The following SEMA6D variants were observed in gnomAD, a reference collection of about 807,000 sequenced individuals.
SEMA6D encodes the protein semaphorin 6D, also known as semaphorin-6D.
In SEMA6D, 35 loss-of-function variants were observed where a neutral mutation model predicts 106.6. The observed-to-expected ratio is 0.33, with a 90% CI of 0.25 to 0.44. The LOEUF (loss-of-function observed/expected upper bound fraction) is 0.44. Among genes scored for constraint, SEMA6D ranks in the 20% least tolerant of loss-of-function variants. The pLI, the probability that SEMA6D is intolerant of heterozygous loss-of-function variation, is 1.00. For missense variants in SEMA6D, 1,185 were observed against 1,345.9 expected (o/e 0.88, Z 1.87); for synonymous variants, 499 against 487.7 (o/e 1.02, Z -0.31).
intron 1 of SEMA6D, among the ~76,000 whole-genome samples, chr15:47,212,526 A>C (rs1566929079): frequency 6.6e-6 from 1 of 152,208 alleles, no homozygotes; most frequent in African/African-American, 2.4e-5. Flanking sequence ...GATGATCACT[A>C]TTACTACAAT....
intron 1 of SEMA6D, among the ~76,000 whole-genome samples, chr15:47,394,842 T>C (rs916063898): frequency 6.6e-6 from 1 of 152,174 alleles, no homozygotes; most frequent in East Asian, 1.9e-4. Flanking sequence ...TCTTTGACGA[T>C]TTACATAATT....
Position 47,762,339 on chromosome 15 carries a change from T to C in SEMA6D, c.658+20T>C, listed in dbSNP as rs773336930. On this transcript the variant is annotated intron_variant, in intron 8 of 18. Coordinates refer to ENST00000536845, the MANE Select transcript of SEMA6D (RefSeq NM_001358351.3). Reference sequence around the variant, plus strand: ...TAAAAGGTACCTTTGAAGAGCAGTGTCGTGGGGTCACCAGGATAGTGGATG... The same window carrying C: ...TAAAAGGTACCTTTGAAGAGCAGTGCCGTGGGGTCACCAGGATAGTGGATG... 6.2e-7 allele frequency: 1 copy of C among 1,611,598 alleles called. No individual in the cohort carries two copies. Among genetic ancestry groups the C allele is most frequent in the Non-Finnish European group, 8.5e-7 (1 of 1,179,142 alleles).
chr15:47,195,043 A>C (rs1489709128), intron 1 of SEMA6D, among the ~76,000 whole-genome samples: 1 of 152,228 alleles, frequency 6.6e-6, no homozygotes, highest in Non-Finnish European at 1.5e-5. Flanking sequence ...GATGAAAAAA[A>C]GAATCATTTC....
chr15:47,630,515 A>G (rs1192079671), intron 4 of SEMA6D, among the ~76,000 whole-genome samples: 1 of 151,782 alleles, frequency 6.6e-6, no homozygotes, highest in Non-Finnish European at 1.5e-5. Flanking sequence ...GAGATTTTCT[A>G]TGAAGACAAT....
intron 3 of SEMA6D, among the ~76,000 whole-genome samples, chr15:47,505,523 C>A (rs2044010677): frequency 6.6e-6 from 1 of 152,158 alleles, no homozygotes; most frequent in Non-Finnish European, 1.5e-5. Flanking sequence ...GCTATGAGTA[C>A]AGTATTAATG....
chr15:47,415,720 A>G (rs1238454633), intron 2 of SEMA6D, among the ~76,000 whole-genome samples: 1 of 152,188 alleles, frequency 6.6e-6, no homozygotes, highest in Non-Finnish European at 1.5e-5. Flanking sequence ...TAGACAATCA[A>G]TATGAGTTGG....
At chr15:47,593,049 C>A (rs1051521291) in intron 3 of SEMA6D, among the ~76,000 whole-genome samples, 2 of 152,090 alleles carry the variant, frequency 1.3e-5, no homozygotes, top group African/African-American at 4.8e-5. Flanking sequence ...GTGAAGTGTC[C>A]TTGACTCTAA....
At chr15:47,465,738 A>G (rs971334758) in intron 2 of SEMA6D, among the ~76,000 whole-genome samples, 4 of 152,068 alleles carry the variant, frequency 2.6e-5, no homozygotes, top group Non-Finnish European at 4.4e-5. Flanking sequence ...CATGATTGTA[A>G]GCTTCCTAAG....
intron 1 of SEMA6D, among the ~76,000 whole-genome samples, chr15:47,719,106 T>G (rs2079264934): frequency 6.6e-6 from 1 of 151,132 alleles, no homozygotes; most frequent in South Asian, 2.1e-4. Flanking sequence ...GTCAGGTGAT[T>G]GTTTAAATCC....
rs545075462 is a variant in SEMA6D, at chr15:47,436,980, GA to G, written c.-159+24509del. The stretch of plus-strand genomic sequence containing the variant: ...GAAAGGAAGGAGGCAGGGAAAGGAA[GA>G]GAAGGGAAGGGGAGGGGAGGGGAGG... On this transcript the variant is annotated intron_variant, in intron 2 of 19. Coordinates refer to the SEMA6D transcript ENST00000558014. 4.6e-3 allele frequency among the ~76,000 whole-genome samples: 625 copies of G among 136,044 alleles called. 7 individuals carry two copies. The highest frequency in any genetic ancestry group is 0.016 in the African/African-American group (586 of 37,262). 89.3% of individuals were successfully genotyped at this position (136,044 alleles called of 152,430 possible).
At chr15:47,355,514 GAGAA>G (rs947517353) in intron 1 of SEMA6D, among the ~76,000 whole-genome samples, 7 of 152,290 alleles carry the variant, frequency 4.6e-5, no homozygotes, top group African/African-American at 1.7e-4. Context: ...GTGTGAGAAA[GAGAA>G]AGAGAGAGAC....
intron 1 of SEMA6D, among the ~76,000 whole-genome samples, chr15:47,215,573 T>C (rs963525997): frequency 1.3e-5 from 2 of 152,178 alleles, no homozygotes; most frequent in African/African-American, 4.8e-5. Context: ...ATACAGGAAT[T>C]CATTCATAGC....
chr15:47,592,142 T>C (rs1421476119), intron 3 of SEMA6D, among the ~76,000 whole-genome samples: 2 of 152,148 alleles, frequency 1.3e-5, no homozygotes, highest in African/African-American at 4.8e-5. Flanking sequence ...AAAATCAAGG[T>C]AATGGAAGCT....
At chr15:47,254,784 T>TAATC (rs1222522313) in intron 1 of SEMA6D, among the ~76,000 whole-genome samples, 1 of 152,094 alleles carries the variant, frequency 6.6e-6, no homozygotes, top group Non-Finnish European at 1.5e-5. Context: ...CTATGGTGAA[T>TAATC]AATCTTTTTA....
At chr15:47,345,627 G>A (rs966456923) in intron 1 of SEMA6D, among the ~76,000 whole-genome samples, 18 of 152,066 alleles carry the variant, frequency 1.2e-4, no homozygotes, top group Non-Finnish European at 1.3e-4. Flanking sequence ...AAGAGAAAAC[G>A]TTTGTCTCCT....
chr15:47,197,859 T>A (rs1035289208), intron 1 of SEMA6D, among the ~76,000 whole-genome samples: 1 of 151,946 alleles, frequency 6.6e-6, no homozygotes, highest in East Asian at 1.9e-4. Flanking sequence ...ATATTTCTTA[T>A]TTTTTTTACT....
At chr15:47,388,206 A>C in intron 1 of SEMA6D, among the ~76,000 whole-genome samples, 1 of 152,198 alleles carries the variant, frequency 6.6e-6, no homozygotes, top group Admixed American at 6.5e-5. Flanking sequence ...ATACCCATAA[A>C]ATTAATCCTG....
chr15:47,493,686 C>T (rs1334930586), intron 3 of SEMA6D, among the ~76,000 whole-genome samples: 2 of 151,982 alleles, frequency 1.3e-5, no homozygotes, highest in African/African-American at 2.4e-5. Flanking sequence ...TTCACTTATT[C>T]GTTATATTTT....
intron 1 of SEMA6D, among the ~76,000 whole-genome samples, chr15:47,290,834 A>G (rs2035566260): frequency 6.6e-6 from 1 of 152,358 alleles, no homozygotes; most frequent in Middle Eastern, 3.4e-3. Flanking sequence ...AACCATTCGC[A>G]TGGGTGCATA....
Sources: gnomAD v4.1 joint callset for allele counts (sites outside exome capture counted in the v4.1 genomes callset) on GRCh38, gnomAD v4.1.1 for gene constraint, MANE v1.5 for transcripts, NCBI Gene and HGNC (gene_info 2026-07-23, HGNC 2026-07-21) for gene names.